The following TRIO variants were observed in gnomAD, a reference collection of about 807,000 sequenced individuals.
TRIO encodes the protein triple functional domain protein.
In TRIO, 58 loss-of-function variants were observed where a neutral mutation model predicts 351.9. That is an observed-to-expected ratio of 0.16 (90% confidence interval 0.13 to 0.21). TRIO has a LOEUF of 0.21. Ranked by LOEUF, TRIO falls within the 10% of genes least tolerant of loss-of-function variation. The pLI is 1.00. For synonymous variants in TRIO, 1,758 were observed against 1,595.7 expected (o/e 1.10, Z -2.42); for missense variants, 3,201 against 4,027.8 (o/e 0.79, Z 5.56).
chr5:14,479,435 AG>A, intron 42 of TRIO, 85 bp downstream of exon 42: 1 of 1,241,354 alleles, frequency 8.1e-7, no homozygotes, highest in Non-Finnish European at 1.1e-6. Context: ...TTGGTTTCCC[AG>A]GAGACTAATT....
intron 1 of TRIO, among the ~76,000 whole-genome samples, chr5:14,257,937 T>C (rs753661474): frequency 1.2e-4 from 19 of 152,240 alleles, no homozygotes; most frequent in Non-Finnish European, 2.5e-4. Flanking sequence ...CAACTGCTAC[T>C]GTTAGCATTT....
chr5:14,308,961 AC>A (rs1738655569), intron 8 of TRIO, among the ~76,000 whole-genome samples: 2 of 151,386 alleles, frequency 1.3e-5, no homozygotes, highest in Admixed American at 1.3e-4. Context: ...CTATCCATAC[AC>A]CCAGTCACCC....
intron 1 of TRIO, among the ~76,000 whole-genome samples, chr5:14,155,902 A>T (rs1414530732): frequency 6.6e-6 from 1 of 152,116 alleles, no homozygotes; most frequent in Non-Finnish European, 1.5e-5. Context: ...TCCATTGATG[A>T]TCTTCACCTG....
In TRIO at chr5:14,489,313, C is replaced by A. The variant is rs76004267; in HGVS notation, c.7632+1053C>A. ...TTGGGGAAGAAATTAACAAATGGGT[C>A]TTGATACATTTATTTACAGTTGAAG... On this transcript the variant is annotated intron_variant, in intron 48 of 56. Transcript: ENST00000344204. The A allele has an allele frequency of 2.5e-3, 1,010 of 408,372 alleles. 8 individuals carry two copies. Among genetic ancestry groups the A allele is most frequent in the African/African-American group, 0.018 (891 of 49,760 alleles). The allele number at this position is 408,372 out of a possible 1,614,324, so 25.3% of individuals were successfully genotyped here.
intron 7 of TRIO, among the ~76,000 whole-genome samples, chr5:14,299,895 G>A (rs924326060): frequency 3.3e-5 from 5 of 152,218 alleles, no homozygotes; most frequent in African/African-American, 9.7e-5. Context: ...TGCACCGTCC[G>A]GCCCTGCCCT....
At position 14,391,422 on chromosome 5, in the gene TRIO, T is replaced by C. The variant is rs572823492; in HGVS notation, c.4218+432T>C. The stretch of plus-strand genomic sequence containing the variant: ...TATTTTTCCTATTTTAATTTCATGA[T>C]GTTACGAATTTTCAAAAACAACCTA... On this transcript the variant is annotated intron_variant, in intron 27 of 56. Transcript: ENST00000344204. 1.3e-4 allele frequency among the ~76,000 whole-genome samples: 20 copies of C among 152,344 alleles called. No homozygotes were observed. The East Asian group carries it at 3.5e-3, about 26-fold the overall frequency.
intron 1 of TRIO, among the ~76,000 whole-genome samples, chr5:14,164,733 T>C (rs1157768896): frequency 6.6e-6 from 1 of 152,212 alleles, no homozygotes. Context: ...GACCCCCTGA[T>C]GTCATTATGA....
intron 11 of TRIO, among the ~76,000 whole-genome samples, chr5:14,345,886 C>G (rs1742369862): frequency 6.6e-6 from 1 of 152,186 alleles, no homozygotes. Context: ...TTATGATTCT[C>G]TATTTCTTAT....
chr5:14,191,534 TAAA>T (rs35519870), intron 1 of TRIO, among the ~76,000 whole-genome samples: 30 of 135,204 alleles, frequency 2.2e-4, no homozygotes, highest in East Asian at 4.2e-4. Context: ...CCTGTTTCTT[TAAA>T]AAAAAAAAAA....
chr5:14,388,787 C>A, intron 24 of TRIO, 108 bp downstream of exon 24: 1 of 1,275,378 alleles, frequency 7.8e-7, no homozygotes, highest in Non-Finnish European at 1.1e-6. Flanking sequence ...CAATTTTTTT[C>A]TGTCATTTTT....
At chr5:14,183,327 A>C (rs1290663091) in intron 1 of TRIO, among the ~76,000 whole-genome samples, 1 of 152,114 alleles carries the variant, frequency 6.6e-6, no homozygotes, top group Non-Finnish European at 1.5e-5. Context: ...ATTGTGATGT[A>C]AGCAGGGGCT....
At chr5:14,362,800 C>G (rs113129096) in intron 13 of TRIO, among the ~76,000 whole-genome samples, 16 of 152,170 alleles carry the variant, frequency 1.1e-4, no homozygotes, top group African/African-American at 3.9e-4. Flanking sequence ...GTGGTTAAGT[C>G]CCCTCAGCCT....
At chr5:14,434,916 G>A (rs1751460604) in intron 34 of TRIO, among the ~76,000 whole-genome samples, 1 of 152,150 alleles carries the variant, frequency 6.6e-6, no homozygotes, top group Admixed American at 6.5e-5. Flanking sequence ...CTCCCAATTT[G>A]AGTTTATCTA....
intron 37 of TRIO, 187 bp downstream of exon 37, chr5:14,465,827 C>T: frequency 1.6e-6 from 1 of 617,350 alleles, no homozygotes. Flanking sequence ...CTCAGGAAAG[C>T]CATTATTCCC....
At chr5:14,375,744 C>G (rs1421734728) in intron 19 of TRIO, among the ~76,000 whole-genome samples, 1 of 152,092 alleles carries the variant, frequency 6.6e-6, no homozygotes, top group Non-Finnish European at 1.5e-5. Flanking sequence ...GCTCACTTGC[C>G]CGAAATTAGT....
rs1237610546 is a variant in TRIO, at chr5:14,387,825, C to T, written c.3859C>T (p.Arg1287Trp). ...TGCTCATGAACTTAATGAAGAGAAG[C>T]GGAAATCTGCCCGCAGGAAAGAGTA... Reference protein sequence around the residue: ...DAAHELNEEKRKSARRKEFIM... With the variant: ...DAAHELNEEKWKSARRKEFIM... Residue 1287 changes from arginine (R) to tryptophan (W), a missense_variant, in exon 23 of 57, where the codon CGG (arginine) becomes TGG (tryptophan). Transcript: ENST00000344204. The T allele has an allele frequency of 2.5e-6, 4 of 1,613,944 alleles. No homozygotes were observed. Among genetic ancestry groups the T allele is most frequent in the Non-Finnish European group, 3.4e-6 (4 of 1,180,032 alleles).
rs534550337 is a variant in TRIO, at chr5:14,488,041, G to A, written c.7413G>A (p.Glu2471=). The change falls in exon 48 of 57, where the codon GAG becomes GAA. Residue 2471 remains glutamate (E), a synonymous_variant. Transcript: ENST00000344204. ...LSSAVPSLGK[E]PFPPSSPLQK... ...GCGCGGTCCCTTCTCTCGGCAAGGA[G>A]CCCTTCCCCCCCAGCAGCCCCCTGC... 1.4e-4 allele frequency: 230 copies of A among 1,607,314 alleles called. No homozygotes were observed. The East Asian group carries it at 5.0e-3, about 35-fold the overall frequency.
chr5:14,453,528 C>T (rs1331882031), intron 34 of TRIO, among the ~76,000 whole-genome samples: 1 of 152,176 alleles, frequency 6.6e-6, no homozygotes, highest in Admixed American at 6.5e-5. Context: ...TATGCCTCAG[C>T]CATCCTACAT....
chr5:14,405,298 A>G (rs1005220321), intron 31 of TRIO, among the ~76,000 whole-genome samples: 1 of 152,148 alleles, frequency 6.6e-6, no homozygotes, highest in African/African-American at 2.4e-5. Context: ...CATTTATAAG[A>G]CGGGGCTGCA....
Sources: gnomAD v4.1 joint callset for allele counts (sites outside exome capture counted in the v4.1 genomes callset) on GRCh38, gnomAD v4.1.1 for gene constraint, MANE v1.5 for transcripts, NCBI Gene and HGNC (gene_info 2026-07-23, HGNC 2026-07-21) for gene names.